The following GRID2 variants were observed in gnomAD, a reference collection of about 807,000 sequenced individuals.
The protein encoded by GRID2 is glutamate receptor ionotropic, delta-2.
Under a neutral mutation model 114.8 loss-of-function variants are expected in GRID2, and 33 were observed. That is an observed-to-expected ratio of 0.29 (90% CI 0.22 to 0.38). GRID2 has a LOEUF of 0.38. GRID2 is among the 10% of genes least tolerant of loss of function. GRID2 has a pLI of 1.00. For synonymous variants in GRID2, 505 were observed against 449.9 expected, an observed-to-expected ratio of 1.12 and a Z score of -1.55; for missense variants, 1,184 against 1,257.7, an observed-to-expected ratio of 0.94 and a Z score of 0.89.
At chr4:93,279,403 T>G (rs369433351) in intron 8 of GRID2, among the ~76,000 whole-genome samples, 2 of 151,886 alleles carry the variant, frequency 1.3e-5, no homozygotes, top group African/African-American at 4.8e-5. Flanking sequence ...CTCTTTAGGT[T>G]TGAAAGAAGC....
chr4:92,387,641 G>A (rs1215573625), intron 1 of GRID2, among the ~76,000 whole-genome samples: 1 of 151,950 alleles, frequency 6.6e-6, no homozygotes, highest in East Asian at 1.9e-4. Flanking sequence ...AGGGAGGAAG[G>A]AAGTGTAAGT....
intron 2 of GRID2, among the ~76,000 whole-genome samples, chr4:92,601,132 G>A (rs1317557669): frequency 6.6e-6 from 1 of 152,174 alleles, no homozygotes; most frequent in Non-Finnish European, 1.5e-5. Flanking sequence ...GGATCAGTCA[G>A]GGTCCAGCCT....
chr4:93,109,368 TACA>T (rs1732556103), intron 3 of GRID2, among the ~76,000 whole-genome samples: 1 of 152,214 alleles, frequency 6.6e-6, no homozygotes, highest in Non-Finnish European at 1.5e-5. Flanking sequence ...ATATAATATT[TACA>T]ACTATTTTGA....
chr4:92,342,584 G>T (rs1200666123), intron 1 of GRID2, among the ~76,000 whole-genome samples: 1 of 152,292 alleles, frequency 6.6e-6, no homozygotes, highest in South Asian at 2.1e-4. Flanking sequence ...CAATAGAAAG[G>T]TGTTCTTGGA....
downstream of GRID2, among the ~76,000 whole-genome samples, chr4:93,777,194 G>A (rs1734386537): frequency 6.6e-6 from 1 of 152,162 alleles, no homozygotes; most frequent in African/African-American, 2.4e-5. Flanking sequence ...GCTGCACAGA[G>A]GCATGGAACA....
At chr4:93,119,677 C>G (rs934692305) in intron 4 of GRID2, among the ~76,000 whole-genome samples, 1 of 151,940 alleles carries the variant, frequency 6.6e-6, no homozygotes, top group Non-Finnish European at 1.5e-5. Flanking sequence ...GTACTATACC[C>G]TAGGTTCATT....
At chr4:92,675,784 G>C (rs1218394766) in intron 2 of GRID2, among the ~76,000 whole-genome samples, 1 of 151,948 alleles carries the variant, frequency 6.6e-6, no homozygotes, top group Non-Finnish European at 1.5e-5. Context: ...TCGATCTCCT[G>C]AACTCGTGAT....
chr4:92,649,864 T>C (rs927478831), intron 2 of GRID2, among the ~76,000 whole-genome samples: 2 of 152,024 alleles, frequency 1.3e-5, no homozygotes, highest in African/African-American at 4.8e-5. Flanking sequence ...CTTCGACTGG[T>C]GATCTTATGT....
At chr4:92,391,029 C>T (rs776658003) in intron 1 of GRID2, among the ~76,000 whole-genome samples, 8 of 152,128 alleles carry the variant, frequency 5.3e-5, no homozygotes, top group Non-Finnish European at 1.0e-4. Context: ...TACTGACAAA[C>T]AGTATTTTCC....
intron 1 of GRID2, among the ~76,000 whole-genome samples, chr4:92,403,483 G>A (rs550770738): frequency 1.6e-4 from 24 of 151,948 alleles, no homozygotes; most frequent in Non-Finnish European, 2.4e-4. Flanking sequence ...GGATTATGAG[G>A]TCAGGAGTTT....
At chr4:92,329,837 C>T (rs1325357747) in intron 1 of GRID2, among the ~76,000 whole-genome samples, 1 of 151,432 alleles carries the variant, frequency 6.6e-6, no homozygotes, top group Non-Finnish European at 1.5e-5. Context: ...GATTAGGGGG[C>T]CAATGACATT....
chr4:93,335,677 CTCTT>C (rs1367463684), intron 8 of GRID2, among the ~76,000 whole-genome samples: 2 of 124,560 alleles, frequency 1.6e-5, no homozygotes, highest in Non-Finnish European at 3.1e-5. Flanking sequence ...TTTTCTCTCT[CTCTT>C]TCTTTCTTCT....
At chr4:92,568,350 G>A (rs564653108) in intron 1 of GRID2, among the ~76,000 whole-genome samples, 13 of 152,034 alleles carry the variant, frequency 8.6e-5, no homozygotes, top group South Asian at 4.1e-4. Context: ...CAGGTGTGTC[G>A]AGATGCCATT....
chr4:93,317,181 C>T (rs1215114207), intron 8 of GRID2, among the ~76,000 whole-genome samples: 1 of 151,858 alleles, frequency 6.6e-6, no homozygotes, highest in Admixed American at 6.6e-5. Context: ...TATTGCACAC[C>T]AGATGGAATT....
intron 5 of GRID2, among the ~76,000 whole-genome samples, chr4:93,211,937 A>G (rs1469141697): frequency 6.7e-6 from 1 of 148,686 alleles, no homozygotes; most frequent in Non-Finnish European, 1.5e-5. Flanking sequence ...TCATTCATCC[A>G]CTTTATTCTG....
chr4:92,851,531 C>T (rs1347066575), intron 2 of GRID2, among the ~76,000 whole-genome samples: 1 of 151,834 alleles, frequency 6.6e-6, no homozygotes, highest in Non-Finnish European at 1.5e-5. Flanking sequence ...CCTTCTTCTA[C>T]ATAATCAGAT....
chr4:92,899,535 A>T (rs2149478664), intron 2 of GRID2, among the ~76,000 whole-genome samples: 1 of 152,300 alleles, frequency 6.6e-6, no homozygotes, highest in South Asian at 2.1e-4. Context: ...GTATTTCCTA[A>T]GCCTGTATCA....
At chr4:92,498,928 TAAAAAA>T (rs11303897) in intron 1 of GRID2, among the ~76,000 whole-genome samples, 1 of 137,724 alleles carries the variant, frequency 7.3e-6, no homozygotes, top group African/African-American at 2.7e-5. Flanking sequence ...CTTATTTAGG[TAAAAAA>T]AAAAAAAAAA....
At chr4:93,559,720 C>T (rs567339528) in intron 13 of GRID2, among the ~76,000 whole-genome samples, 28 of 152,246 alleles carry the variant, frequency 1.8e-4, no homozygotes, top group African/African-American at 6.5e-4. Flanking sequence ...CCAGCCATCC[C>T]ATTACTGGGT....
Sources: gnomAD v4.1 joint callset for allele counts (sites outside exome capture counted in the v4.1 genomes callset) on GRCh38, gnomAD v4.1.1 for gene constraint, MANE v1.5 for transcripts, NCBI Gene and HGNC (gene_info 2026-07-23, HGNC 2026-07-21) for gene names.